Variants in LRRK2 observed in about 807,000 individuals in gnomAD.
LRRK2 encodes leucine-rich repeat serine/threonine-protein kinase 2.
Under a neutral mutation model 302.6 loss-of-function variants are expected in LRRK2, and 203 were observed. The ratio of observed to expected loss-of-function variants is 0.67; its 90% CI spans 0.60 to 0.75. The LOEUF (loss-of-function observed/expected upper bound fraction) is 0.75. LRRK2 is among the 30% of genes least tolerant of loss of function. The pLI, the probability that LRRK2 is intolerant of heterozygous loss-of-function variation, is 0.00. For missense variants in LRRK2, 2,830 were observed against 2,951.0 expected (o/e 0.96, Z 0.95); for synonymous variants, 1,066 against 1,031.9 (o/e 1.03, Z -0.63).
intron 3 of LRRK2, 44 bp from the exon 4 acceptor site, chr12:40,235,582 G>T: frequency 7.6e-7 from 1 of 1,318,274 alleles, no homozygotes; most frequent in Non-Finnish European, 1.1e-6. Context: ...AAACTTTTGA[G>T]TATGATATTT....
chr12:40,259,672 G>A (rs1448926315), intron 13 of LRRK2, 68 bp downstream of exon 13: 13 of 1,581,502 alleles, frequency 8.2e-6, no homozygotes, highest in Non-Finnish European at 9.5e-6. Flanking sequence ...TCATGAAATA[G>A]CAATATTCTA....
chr12:40,283,216 G>C (rs1943779741), intron 18 of LRRK2, among the ~76,000 whole-genome samples: 1 of 152,100 alleles, frequency 6.6e-6, no homozygotes, highest in Non-Finnish European at 1.5e-5. Flanking sequence ...GCTTGCTAAG[G>C]CTTCTCCTGG....
rs199807643 is a variant in LRRK2, at chr12:40,238,071, G to A, written c.539G>A (p.Gly180Glu). 6.2e-7 allele frequency: 1 copy of A among 1,613,656 alleles called. No individual in the cohort carries two copies. The highest frequency in any genetic ancestry group is 1.1e-5 in the South Asian group (1 of 91,070). Residue 180 changes from glycine to glutamate, a missense_variant, in exon 5 of 51, where the codon GGA becomes GAA. By Grantham distance (98) the Gly-to-Glu change is moderately conservative. This residue lies in a region of LRRK2 where 2,121 missense variants were observed against 2,148.0 expected (regional missense o/e 0.99). Transcript: ENST00000298910. ...GCCAATGATGAAGTCCAGAAACTTG[G>A]ATGCAAAGCTTTACATGTGCTGTTT... ...FPANDEVQKLGCKALHVLFER... is the reference protein window; with the variant it reads ...FPANDEVQKLECKALHVLFER...
At chr12:40,366,247 C>G (rs1333878308) in intron 49 of LRRK2, 1 of 151,800 alleles carries the variant, frequency 6.6e-6, no homozygotes, top group Non-Finnish European at 1.5e-5. Flanking sequence ...CTGTTTATTT[C>G]TTTGCTTAGT....
At chr12:40,246,322 C>A (rs1396621509) in intron 7 of LRRK2, among the ~76,000 whole-genome samples, 1 of 151,820 alleles carries the variant, frequency 6.6e-6, no homozygotes, top group Non-Finnish European at 1.5e-5. Context: ...TACTAAGCTA[C>A]TGTGCACTTC....
At position 40,351,711 on chromosome 12, in the gene LRRK2, A is replaced by G. The variant is rs1946359457; in HGVS notation, c.6554A>G (p.Asn2185Ser). 1.2e-6 allele frequency: 2 copies of G among 1,614,202 alleles called. No homozygotes were observed. The highest frequency in any genetic ancestry group is 1.3e-5 in the African/African-American group (1 of 75,060). The change falls in exon 44 of 51, where the codon AAT (asparagine) becomes AGT (serine). Residue 2185 changes from asparagine to serine, a missense_variant. Around this residue, in one of 3 missense-constraint regions of LRRK2, gnomAD observed 456 missense variants for 456.3 expected, o/e 1.00. Transcript: ENST00000298910. ...DRGQLSFLDL[N>S]TEGYTSEEVA... is the part of the protein sequence containing the mutation. Reference sequence around the variant, plus strand: ...GGACAGCTCTCATTTCTTGACTTAAATACTGAAGGATACACTTCTGAGGTA... The same window carrying G: ...GGACAGCTCTCATTTCTTGACTTAAGTACTGAAGGATACACTTCTGAGGTA...
At chr12:40,344,174 A>C (rs1254097900) in intron 41 of LRRK2, among the ~76,000 whole-genome samples, 1 of 152,136 alleles carries the variant, frequency 6.6e-6, no homozygotes, top group Non-Finnish European at 1.5e-5. Context: ...TTGTAAAAGG[A>C]TGTGTGCACT....
intron 3 of LRRK2, among the ~76,000 whole-genome samples, chr12:40,234,368 ACT>A (rs1491161860): frequency 1.0e-5 from 1 of 95,334 alleles, no homozygotes; most frequent in Non-Finnish European, 2.1e-5. Flanking sequence ...TGCTAAATTC[ACT>A]TTTTTTTTTT....
At chr12:40,316,461 TTTTACTC>T (rs1945226128) in intron 33 of LRRK2, 1 of 428,368 alleles carries the variant, frequency 2.3e-6, no homozygotes, top group African/African-American at 2.2e-5. Context: ...GATAATGTGA[TTTTACTC>T]AATTATTAAA....
At chr12:40,246,168 T>C (rs1456437959) in intron 7 of LRRK2, among the ~76,000 whole-genome samples, 1 of 151,904 alleles carries the variant, frequency 6.6e-6, no homozygotes, top group African/African-American at 2.4e-5. Flanking sequence ...CAATGTGGGC[T>C]TTTAAATGTT....
intron 33 of LRRK2, chr12:40,316,383 G>A (rs1403867933): frequency 1.0e-6 from 1 of 972,176 alleles, no homozygotes; most frequent in Non-Finnish European, 1.2e-6. Flanking sequence ...TATTTGCAGT[G>A]TGTCAGTTAT....
chr12:40,295,473 T>C lies in LRRK2; in HGVS notation c.2925T>C (p.Ser975=), dbSNP rs1944345718. ...ATATGAGGCATTCAGACAGCATTTC[T>C]TCTCTGGCTTCTGAGAGAGAATATA... is the stretch of plus-strand genomic sequence containing the variant. ...QSHMRHSDSI[S]SLASEREYIT... is the part of the protein sequence containing the mutation. The change falls in exon 23 of 51, where the codon TCT becomes TCC. Residue 975 remains serine (S), a synonymous_variant. Coordinates refer to ENST00000298910, the MANE Select transcript of LRRK2 (RefSeq NM_198578.4). 1 of 1,613,810 alleles carries C rather than the reference T, an allele frequency of 6.2e-7. No homozygotes were observed. The highest frequency in any genetic ancestry group is 8.5e-7 in the Non-Finnish European group (1 of 1,179,978).
At chr12:40,367,212 A>C (rs369816385) in intron 50 of LRRK2, 135 bp downstream of exon 50, 17 of 733,470 alleles carry the variant, frequency 2.3e-5, no homozygotes, top group East Asian at 8.4e-5. Flanking sequence ...TTTATAGTGT[A>C]AAGAACTTAG....
chr12:40,236,043 G>T (rs1321311501), intron 4 of LRRK2, among the ~76,000 whole-genome samples: 1 of 151,882 alleles, frequency 6.6e-6, no homozygotes, highest in Non-Finnish European at 1.5e-5. Flanking sequence ...TCTGTTGGTA[G>T]TCCGATGTTT....
chr12:40,292,604 G>A (rs1944204031), intron 20 of LRRK2, among the ~76,000 whole-genome samples: 1 of 151,298 alleles, frequency 6.6e-6, no homozygotes, highest in South Asian at 2.1e-4. Flanking sequence ...TTAAACTATA[G>A]AATTAATTAA....
intron 14 of LRRK2, among the ~76,000 whole-genome samples, chr12:40,265,925 G>C (rs930987541): frequency 1.3e-5 from 2 of 152,132 alleles, no homozygotes; most frequent in Non-Finnish European, 2.9e-5. Context: ...TTAATAAATG[G>C]TGCTGGGAAA....
Position 40,238,051 on chromosome 12 carries a change from T to C in LRRK2, c.519T>C (p.Asn173=). The change falls in exon 5 of 51, where the codon AAT becomes AAC. Residue 173 remains asparagine, a synonymous_variant. Transcript: ENST00000298910. ...IFDAMHSFPA[N]DEVQKLGCKA... ...ATGCCATGCACTCATTTCCAGCCAATGATGAAGTCCAGAAACTTGGATGCA... is the reference window on the plus strand; with the variant it reads ...ATGCCATGCACTCATTTCCAGCCAACGATGAAGTCCAGAAACTTGGATGCA... The C allele has an allele frequency of 6.2e-7, 1 of 1,613,708 alleles. No individual in the cohort carries two copies. The highest frequency in any genetic ancestry group is 8.5e-7 in the Non-Finnish European group (1 of 1,179,784).
chr12:40,291,029 C>A (rs1387951325), intron 20 of LRRK2, among the ~76,000 whole-genome samples: 2 of 151,906 alleles, frequency 1.3e-5, no homozygotes, highest in Non-Finnish European at 2.9e-5. Flanking sequence ...TTTAATTTCC[C>A]AAATGTCCAA....
intron 14 of LRRK2, among the ~76,000 whole-genome samples, chr12:40,264,329 T>C (rs978529118): frequency 4.6e-5 from 7 of 152,144 alleles, no homozygotes; most frequent in African/African-American, 1.4e-4. Context: ...GTGTTAACAG[T>C]AAAGTCTTCG....
Sources: allele counts gnomAD v4.1 joint callset (sites outside exome capture counted in the v4.1 genomes callset), GRCh38; gene constraint gnomAD v4.1.1; regional missense constraint gnomAD v4.1.1; transcripts MANE v1.5; gene names NCBI Gene and HGNC (gene_info 2026-07-23, HGNC 2026-07-21).